The following FAF1 variants were observed in gnomAD, a reference collection of about 807,000 sequenced individuals.
FAF1 encodes Fas associated factor 1.
In FAF1, 25 loss-of-function variants were observed where a neutral mutation model predicts 92.5. The ratio of observed to expected loss-of-function variants is 0.27; its 90% CI spans 0.20 to 0.38. The LOEUF (loss-of-function observed/expected upper bound fraction) is 0.38. FAF1 is among the 10% of genes least tolerant of loss of function. FAF1 has a pLI of 1.00. For missense variants in FAF1, 636 were observed against 793.3 expected, an observed-to-expected ratio of 0.80 and a Z score of 2.38; for synonymous variants, 234 against 273.2, an observed-to-expected ratio of 0.86 and a Z score of 1.42.
intron 14 of FAF1, among the ~76,000 whole-genome samples, chr1:50,539,002 T>G (rs1648627186): frequency 6.6e-6 from 1 of 152,302 alleles, no homozygotes; most frequent in South Asian, 2.1e-4. Flanking sequence ...ATGAACAAGG[T>G]AATATTTTAC....
At chr1:50,474,623 G>A (rs1412973797) in intron 18 of FAF1, among the ~76,000 whole-genome samples, 1 of 152,096 alleles carries the variant, frequency 6.6e-6, no homozygotes, top group African/African-American at 2.4e-5. Context: ...CAGCCACAAC[G>A]CGTTATTAAC....
At chr1:50,806,243 G>A (rs1383214969) in intron 2 of FAF1, among the ~76,000 whole-genome samples, 1 of 152,144 alleles carries the variant, frequency 6.6e-6, no homozygotes, top group East Asian at 1.9e-4. Flanking sequence ...AAGAAGGTAT[G>A]TGAATGATGA....
intron 8 of FAF1, among the ~76,000 whole-genome samples, chr1:50,644,542 T>C (rs1391221828): frequency 1.3e-5 from 2 of 152,348 alleles, no homozygotes; most frequent in East Asian, 1.9e-4. Flanking sequence ...TTGCAAAATA[T>C]AGCCGCTGGA....
chr1:50,838,499 T>C (rs1485605337), intron 2 of FAF1, among the ~76,000 whole-genome samples: 1 of 148,368 alleles, frequency 6.7e-6, no homozygotes, highest in African/African-American at 2.4e-5. Context: ...ATAAGCTATG[T>C]TTTGTTATAT....
At chr1:50,773,435 G>A (rs775971262) in intron 4 of FAF1, among the ~76,000 whole-genome samples, 2 of 152,284 alleles carry the variant, frequency 1.3e-5, no homozygotes, top group African/African-American at 2.4e-5. Context: ...CTATGTGCCC[G>A]TCAATAGATG....
chr1:50,529,551 T>C (rs957475745), intron 15 of FAF1, among the ~76,000 whole-genome samples: 11 of 152,146 alleles, frequency 7.2e-5, no homozygotes, highest in Admixed American at 5.2e-4. Context: ...GGAATCTTAG[T>C]AGATAGGTAC....
chr1:50,825,758 G>A (rs1052788125), intron 2 of FAF1, among the ~76,000 whole-genome samples: 13 of 152,220 alleles, frequency 8.5e-5, no homozygotes, highest in African/African-American at 3.1e-4. Context: ...CAAAATTTCA[G>A]TATGTATTGA....
At chr1:50,729,897 T>C (rs1375992284) in intron 6 of FAF1, among the ~76,000 whole-genome samples, 1 of 152,088 alleles carries the variant, frequency 6.6e-6, no homozygotes. Flanking sequence ...GGCACGTGCC[T>C]GTAGTCCCAG....
intron 2 of FAF1, among the ~76,000 whole-genome samples, chr1:50,843,262 T>C (rs1644270884): frequency 6.6e-6 from 1 of 152,164 alleles, no homozygotes. Context: ...TTTTCTTCAT[T>C]TTATGGATAT....
At chr1:50,803,960 T>C (rs1296415078) in intron 2 of FAF1, among the ~76,000 whole-genome samples, 1 of 152,114 alleles carries the variant, frequency 6.6e-6, no homozygotes, top group African/African-American at 2.4e-5. Context: ...AGGAAAACTT[T>C]AGGGAAGAGG....
chr1:50,953,197 T>C (rs926082748), intron 1 of FAF1, among the ~76,000 whole-genome samples: 1 of 152,126 alleles, frequency 6.6e-6, no homozygotes, highest in South Asian at 2.1e-4. Flanking sequence ...GAAGGCAGCA[T>C]GCTCCTTAAG....
chr1:50,690,420 T>G (rs962275167), intron 7 of FAF1, among the ~76,000 whole-genome samples: 1 of 152,060 alleles, frequency 6.6e-6, no homozygotes. Flanking sequence ...CTGGCCAACA[T>G]GGTGAAACCC....
intron 1 of FAF1, among the ~76,000 whole-genome samples, chr1:50,898,237 G>A (rs1246552207): frequency 6.6e-6 from 1 of 152,124 alleles, no homozygotes; most frequent in East Asian, 1.9e-4. Context: ...TCAGAAGTTA[G>A]AAGATATAAT....
chr1:50,822,753 TC>T (rs1557545121), intron 2 of FAF1, among the ~76,000 whole-genome samples: 1 of 145,820 alleles, frequency 6.9e-6, no homozygotes, highest in African/African-American at 2.6e-5. Flanking sequence ...GTTTTTTCTT[TC>T]TTTCTTTCTT....
rs187921035 is a variant in FAF1 at position 50,491,573 on chromosome 1, C to A, written c.1575+148G>T. Reference sequence around the variant, plus strand: ...GTCAAAATGAACCATGCTTTAATAACCATGGATAGGATTATATTCTTTCTG... The same window carrying A: ...GTCAAAATGAACCATGCTTTAATAAACATGGATAGGATTATATTCTTTCTG... On this transcript the variant is annotated intron_variant, in intron 16 of 18. Coordinates refer to ENST00000396153, the MANE Select transcript of FAF1 (RefSeq NM_007051.3). The A allele has an allele frequency of 1.5e-4, 86 of 564,410 alleles. 1 individual carries two copies. The East Asian group carries it at 2.5e-3, about 16-fold the overall frequency. 35.0% of individuals were successfully genotyped at this position (564,410 alleles called of 1,614,324 possible).
At chr1:50,694,193 T>C (rs946715911) in intron 7 of FAF1, among the ~76,000 whole-genome samples, 1 of 152,104 alleles carries the variant, frequency 6.6e-6, no homozygotes, top group Non-Finnish European at 1.5e-5. Context: ...TCAACAGCAA[T>C]GAACTGATAT....
chr1:50,471,557 CTTTG>C (rs1232236988), intron 18 of FAF1, among the ~76,000 whole-genome samples: 2 of 152,108 alleles, frequency 1.3e-5, no homozygotes, highest in Non-Finnish European at 2.9e-5. Context: ...TCCCTCATTA[CTTTG>C]TTTTAGATAT....
chr1:50,801,045 C>CTATT (rs1388422055), intron 3 of FAF1, among the ~76,000 whole-genome samples: 4 of 152,208 alleles, frequency 2.6e-5, no homozygotes, highest in Non-Finnish European at 4.4e-5. Context: ...TACATTGCAA[C>CTATT]TATTATAATT....
intron 15 of FAF1, among the ~76,000 whole-genome samples, chr1:50,506,599 T>C (rs1647061492): frequency 1.3e-5 from 2 of 152,324 alleles, no homozygotes; most frequent in South Asian, 4.1e-4. Flanking sequence ...TATATTTACA[T>C]ATTTGTCTCT....
Sources: gnomAD v4.1 joint callset for allele counts (sites outside exome capture counted in the v4.1 genomes callset) on GRCh38, gnomAD v4.1.1 for gene constraint, MANE v1.5 for transcripts, NCBI Gene and HGNC (gene_info 2026-07-23, HGNC 2026-07-21) for gene names.